RTN3: variants seen among roughly 807,000 people sequenced by gnomAD.
RTN3 encodes the protein reticulon-3.
In RTN3, 49 loss-of-function variants were observed where a neutral mutation model predicts 77.8. The ratio of observed to expected loss-of-function variants is 0.63; its 90% CI spans 0.50 to 0.80. The LOEUF is 0.80. Among genes scored for constraint, RTN3 ranks in the 30% least tolerant of loss-of-function variants. The pLI, the probability that RTN3 is intolerant of heterozygous loss-of-function variation, is 0.00. For missense variants in RTN3, 1,236 were observed against 1,211.9 expected, an observed-to-expected ratio of 1.02 and a Z score of -0.29; for synonymous variants, 464 against 446.9, an observed-to-expected ratio of 1.04 and a Z score of -0.48.
intron 1 of RTN3, among the ~76,000 whole-genome samples, chr11:63,696,671 G>A (rs180683732): frequency 1.2e-4 from 18 of 147,320 alleles, no homozygotes; most frequent in African/African-American, 4.0e-4. Flanking sequence ...TCAGCCTCCC[G>A]AGTAGCTGGG....
chr11:63,712,029 T>C (rs2011172685), intron 2 of RTN3, among the ~76,000 whole-genome samples: 1 of 152,234 alleles, frequency 6.6e-6, no homozygotes, highest in African/African-American at 2.4e-5. Flanking sequence ...GCATAGAACC[T>C]AGCACAATTC....
intron 3 of RTN3, among the ~76,000 whole-genome samples, chr11:63,741,855 A>G (rs1160283030): frequency 2.0e-5 from 3 of 151,922 alleles, no homozygotes; most frequent in Non-Finnish European, 4.4e-5. Flanking sequence ...TGGATTTTCT[A>G]TACCATTCTA....
intron 2 of RTN3, among the ~76,000 whole-genome samples, chr11:63,711,903 TG>T (rs1365931917): frequency 6.6e-6 from 1 of 152,046 alleles, no homozygotes; most frequent in Non-Finnish European, 1.5e-5. Flanking sequence ...CTCATTATTT[TG>T]CCCAGGCTCG....
chr11:63,696,104 A>G (rs901692850), intron 1 of RTN3, among the ~76,000 whole-genome samples: 2 of 151,980 alleles, frequency 1.3e-5, no homozygotes, highest in African/African-American at 4.8e-5. Context: ...AAAAAAAAAA[A>G]AAAACCTATT....
chr11:63,749,155 C>A (rs982198166), intron 3 of RTN3, among the ~76,000 whole-genome samples: 16 of 152,140 alleles, frequency 1.1e-4, no homozygotes, highest in Admixed American at 6.5e-5. Flanking sequence ...TGGCACATAC[C>A]TGTAGTCCTA....
intron 3 of RTN3, among the ~76,000 whole-genome samples, chr11:63,746,030 C>T (rs1322888849): frequency 1.3e-5 from 2 of 152,180 alleles, no homozygotes; most frequent in African/African-American, 4.8e-5. Context: ...AGGCTAGTTT[C>T]GAACTCCTAA....
Position 63,756,179 on chromosome 11 carries a change from A to G in RTN3, c.3053+9A>G. 1.3e-6 allele frequency: 2 copies of G among 1,596,992 alleles called. No homozygotes were observed. The highest frequency in any genetic ancestry group is 1.1e-5 in the South Asian group (1 of 90,680). On this transcript the variant is annotated intron_variant, in intron 8 of 8. Coordinates refer to ENST00000377819, the MANE Select transcript of RTN3 (RefSeq NM_001265589.2). ...AAGTCAATTGTTGAAAAGTAAGTACATTTAGAGACCACATCATCATGAGGT... is the reference window on the plus strand; with the variant it reads ...AAGTCAATTGTTGAAAAGTAAGTACGTTTAGAGACCACATCATCATGAGGT...
At chr11:63,721,500 G>A (rs1424137604) in intron 3 of RTN3, among the ~76,000 whole-genome samples, 3 of 151,444 alleles carry the variant, frequency 2.0e-5, no homozygotes, top group South Asian at 2.1e-4. Context: ...GCGTAAACCC[G>A]GGAGGCAGAG....
At chr11:63,684,143 T>G (rs1192182786) in intron 1 of RTN3, among the ~76,000 whole-genome samples, 2 of 137,654 alleles carry the variant, frequency 1.5e-5, no homozygotes, top group Non-Finnish European at 3.2e-5. Context: ...TTTTTTTTTT[T>G]TTTTTTTTTT....
chr11:63,752,433 A>C, intron 4 of RTN3, 74 bp from the exon 5 acceptor site: 1 of 1,450,132 alleles, frequency 6.9e-7, no homozygotes, highest in Non-Finnish European at 9.5e-7. Context: ...CCAATTTTAC[A>C]TTCTCAGTAA....
rs540034 is a variant in RTN3 at position 63,697,473 on chromosome 11, A to T, written c.143-7378A>T. Among the ~76,000 whole-genome samples the T allele has an allele frequency of 6.8e-3, 995 of 145,860 alleles. 11 individuals are homozygous for T. Among genetic ancestry groups the T allele is most frequent in the African/African-American group, 0.025 (941 of 37,356 alleles). ...TATGTGCCACCACACCCAGCTCATT[A>T]TTATTATTATTATTATTTTGAGACG... is the stretch of plus-strand genomic sequence containing the variant. On this transcript the variant is annotated intron_variant, in intron 1 of 8. Transcript: ENST00000377819.
intron 3 of RTN3, among the ~76,000 whole-genome samples, chr11:63,728,811 C>T (rs1399204928): frequency 7.3e-5 from 11 of 150,238 alleles, no homozygotes; most frequent in Admixed American, 2.7e-4. Flanking sequence ...CACTTGAACC[C>T]AGGAGGCGGA....
At chr11:63,737,743 G>A (rs1272438879) in intron 3 of RTN3, among the ~76,000 whole-genome samples, 1 of 152,194 alleles carries the variant, frequency 6.6e-6, no homozygotes, top group East Asian at 1.9e-4. Context: ...TGAAATTGAG[G>A]GCAAAGGGGA....
chr11:63,683,943 CT>C (rs35837590), intron 1 of RTN3, among the ~76,000 whole-genome samples: 1,075 of 58,934 alleles, frequency 0.018, no homozygotes, highest in Non-Finnish European at 0.025. Context: ...TCTTTTCTTT[CT>C]TTTTTTTTTT....
chr11:63,695,389 G>C (rs1456063494), intron 1 of RTN3, among the ~76,000 whole-genome samples: 1 of 152,122 alleles, frequency 6.6e-6, no homozygotes, highest in Non-Finnish European at 1.5e-5. Flanking sequence ...AAATCAGCCT[G>C]CCAGTTTATG....
intron 1 of RTN3, among the ~76,000 whole-genome samples, chr11:63,694,327 C>T (rs543083758): frequency 4.3e-4 from 66 of 152,176 alleles, no homozygotes; most frequent in African/African-American, 1.5e-3. Flanking sequence ...CAGGCATGCG[C>T]CACCACGTCC....
chr11:63,724,984 A>T (rs762374269), intron 3 of RTN3, among the ~76,000 whole-genome samples: 7 of 151,364 alleles, frequency 4.6e-5, no homozygotes, highest in Non-Finnish European at 1.0e-4. Context: ...TTTTTAAGAA[A>T]TGGAAAAATA....
Position 63,718,879 on chromosome 11 carries a change from A to G in RTN3, c.377A>G (p.Asp126Gly), listed in dbSNP as rs759883692. The change falls in exon 3 of 9, where the codon GAT becomes GGT. Residue 126 changes from aspartate (D) to glycine (G), a missense_variant. This residue lies in a region of RTN3 where 1,056 missense variants were observed against 990.4 expected (regional missense o/e 1.07). Coordinates refer to ENST00000377819, the MANE Select transcript of RTN3 (RefSeq NM_001265589.2). Reference protein sequence around the residue: ...KEGKDHLDLLDMKKMEKPQGT... With the variant: ...KEGKDHLDLLGMKKMEKPQGT... ...GGAAAAGACCACTTGGATCTTCTAG[A>G]TATGAAAAAGATGGAAAAGCCTCAG... 8 of 1,613,908 alleles carry G rather than the reference A, an allele frequency of 5.0e-6. No homozygotes were observed. The African/African-American group carries it at 1.1e-4, about 22-fold the overall frequency.
At chr11:63,747,817 G>A (rs1377958742) in intron 3 of RTN3, among the ~76,000 whole-genome samples, 2 of 152,148 alleles carry the variant, frequency 1.3e-5, no homozygotes, top group African/African-American at 2.4e-5. Context: ...ACTCTAGGAG[G>A]TAGATTTCAT....
Sources: gnomAD v4.1 joint callset for allele counts (sites outside exome capture counted in the v4.1 genomes callset) on GRCh38, gnomAD v4.1.1 for gene constraint, gnomAD v4.1.1 regional missense constraint, MANE v1.5 for transcripts, NCBI Gene and HGNC (gene_info 2026-07-23, HGNC 2026-07-21) for gene names.